Variants in PPP1R12B observed in about 807,000 individuals in gnomAD.
The protein encoded by PPP1R12B is myosin phosphatase target subunit 2.
PPP1R12B carries 76 observed loss-of-function variants against 126.1 expected under a neutral mutation model. The ratio of observed to expected loss-of-function variants is 0.60; its 90% confidence interval spans 0.50 to 0.73. PPP1R12B has a LOEUF of 0.73. Among genes scored for constraint, PPP1R12B ranks in the 30% least tolerant of loss-of-function variants. PPP1R12B has a pLI of 0.00. For missense variants in PPP1R12B, 1,052 were observed against 1,205.1 expected (o/e 0.87, Z 1.88); for synonymous variants, 356 against 434.7 (o/e 0.82, Z 2.25).
chr1:202,481,877 C>T (rs1306957977), intron 13 of PPP1R12B, among the ~76,000 whole-genome samples: 2 of 152,096 alleles, frequency 1.3e-5, no homozygotes, highest in South Asian at 2.1e-4. Flanking sequence ...CCCCATCCTT[C>T]TCTCACCTCT....
intron 8 of PPP1R12B, among the ~76,000 whole-genome samples, chr1:202,433,137 G>T (rs1052776805): frequency 1.3e-5 from 2 of 152,130 alleles, no homozygotes; most frequent in African/African-American, 4.8e-5. Flanking sequence ...CTCCGGAAAT[G>T]GTATTGTAGT....
chr1:202,361,659 C>T (rs1309577052), intron 1 of PPP1R12B, among the ~76,000 whole-genome samples: 1 of 152,056 alleles, frequency 6.6e-6, no homozygotes, highest in African/African-American at 2.4e-5. Context: ...TTCAGAATTC[C>T]AGTTCAGTAA....
Position 202,536,945 on chromosome 1 carries a change from C to T in PPP1R12B, c.2491-21932C>T, listed in dbSNP as rs1439411903. ...CTTCCTATCATAACAATGCCTTCTT[C>T]GGAATATCTCCTGAAGAACCTGCCT... On this transcript the variant is annotated intron_variant, in intron 18 of 23. Coordinates refer to ENST00000608999, the MANE Select transcript of PPP1R12B (RefSeq NM_002481.4). Among the ~76,000 whole-genome samples, 10 of 152,260 alleles carry T rather than the reference C, an allele frequency of 6.6e-5. No homozygotes were observed. The East Asian group carries it at 9.6e-4, about 15-fold the overall frequency.
chr1:202,447,885 A>T (rs571754181), intron 12 of PPP1R12B, among the ~76,000 whole-genome samples: 137 of 152,284 alleles, frequency 9.0e-4, no homozygotes, highest in African/African-American at 3.2e-3. Context: ...GTTAAAAAAG[A>T]CTATAAAATT....
At chr1:202,520,775 C>G (rs989355758) in intron 18 of PPP1R12B, among the ~76,000 whole-genome samples, 3 of 152,008 alleles carry the variant, frequency 2.0e-5, no homozygotes, top group Non-Finnish European at 4.4e-5. Context: ...TCTTATTCCT[C>G]TCATTCAAAA....
At chr1:202,537,006 T>C (rs960561939) in intron 18 of PPP1R12B, among the ~76,000 whole-genome samples, 5 of 152,118 alleles carry the variant, frequency 3.3e-5, no homozygotes, top group African/African-American at 1.2e-4. Flanking sequence ...TATATATAAG[T>C]AGAAGGAGAA....
intron 1 of PPP1R12B, among the ~76,000 whole-genome samples, chr1:202,405,357 G>C (rs1666455609): frequency 6.6e-6 from 1 of 151,998 alleles, no homozygotes; most frequent in Non-Finnish European, 1.5e-5. Context: ...ACCTGACTGT[G>C]ATCTGTTTAC....
At chr1:202,452,487 C>T (rs1306659601) in intron 13 of PPP1R12B, among the ~76,000 whole-genome samples, 4 of 151,854 alleles carry the variant, frequency 2.6e-5, no homozygotes, top group Non-Finnish European at 4.4e-5. Flanking sequence ...TGCAGTGAGC[C>T]GAGATGGCAG....
chr1:202,427,423 GA>G (rs1669679198), intron 5 of PPP1R12B, among the ~76,000 whole-genome samples: 2 of 151,946 alleles, frequency 1.3e-5, no homozygotes, highest in Non-Finnish European at 2.9e-5. Context: ...TCTAAAACAG[GA>G]AAAAAATATA....
At chr1:202,386,570 C>T (rs1226952192) in intron 1 of PPP1R12B, among the ~76,000 whole-genome samples, 4 of 151,950 alleles carry the variant, frequency 2.6e-5, no homozygotes, top group Admixed American at 2.0e-4. Context: ...CCACCTGCCT[C>T]GGCCTCCCAA....
At chr1:202,463,720 A>G (rs772554104) in intron 13 of PPP1R12B, among the ~76,000 whole-genome samples, 3 of 152,210 alleles carry the variant, frequency 2.0e-5, no homozygotes, top group African/African-American at 4.8e-5. Context: ...GAAGTTTCCT[A>G]GTTGATCTTG....
At chr1:202,562,964 A>G in intron 20 of PPP1R12B, 42 bp downstream of exon 20, 1 of 1,516,948 alleles carries the variant, frequency 6.6e-7, no homozygotes, top group Non-Finnish European at 8.8e-7. Flanking sequence ...GGTGACATGT[A>G]AACCTCTCAG....
intron 1 of PPP1R12B, among the ~76,000 whole-genome samples, chr1:202,355,927 T>G (rs1008528397): frequency 2.6e-5 from 4 of 152,108 alleles, no homozygotes; most frequent in Non-Finnish European, 4.4e-5. Context: ...CCCAGCACTT[T>G]GGGAGGCCAA....
At chr1:202,493,625 C>CA (rs1354136640) in intron 15 of PPP1R12B, among the ~76,000 whole-genome samples, 23 of 152,324 alleles carry the variant, frequency 1.5e-4, no homozygotes, top group Middle Eastern at 3.4e-3. Flanking sequence ...TTACTTTACT[C>CA]AATACATGCT....
At chr1:202,428,754 G>A (rs192539932) in intron 5 of PPP1R12B, 101 bp from the exon 6 acceptor site, 4 of 1,065,030 alleles carry the variant, frequency 3.8e-6, no homozygotes, top group Non-Finnish European at 5.5e-6. Context: ...TATTATTGGA[G>A]TCAAAGGCAA....
At chr1:202,353,528 A>G (rs1456070040) in intron 1 of PPP1R12B, among the ~76,000 whole-genome samples, 3 of 150,670 alleles carry the variant, frequency 2.0e-5, no homozygotes, top group African/African-American at 7.3e-5. Flanking sequence ...TTTTTTTGAA[A>G]GTATAAATAA....
chr1:202,495,511 C>T, intron 16 of PPP1R12B, 29 bp downstream of exon 16: 4 of 1,608,476 alleles, frequency 2.5e-6, no homozygotes, highest in Non-Finnish European at 3.4e-6. Flanking sequence ...GACACAGGCC[C>T]CTCCACAGTG....
At chr1:202,560,889 T>C (rs1310447578) in intron 19 of PPP1R12B, among the ~76,000 whole-genome samples, 4 of 152,188 alleles carry the variant, frequency 2.6e-5, no homozygotes, top group African/African-American at 9.6e-5. Context: ...AAATATTTGC[T>C]GCCTATATTA....
chr1:202,410,010 G>A (rs879194340), intron 1 of PPP1R12B: 1 of 151,952 alleles, frequency 6.6e-6, no homozygotes, highest in Non-Finnish European at 1.5e-5. Flanking sequence ...TTGTTGTTGA[G>A]TTTTAGGAGT....
Sources: allele counts gnomAD v4.1 joint callset (sites outside exome capture counted in the v4.1 genomes callset), GRCh38; gene constraint gnomAD v4.1.1; transcripts MANE v1.5; gene names NCBI Gene and HGNC (gene_info 2026-07-23, HGNC 2026-07-21).